UBA1: variants seen among roughly 807,000 people sequenced by gnomAD.
The protein encoded by UBA1 is ubiquitin-like modifier-activating enzyme 1.
In UBA1, 4 loss-of-function variants were observed where a neutral mutation model predicts 84.7. The ratio of observed to expected loss-of-function variants is 0.05; its 90% CI spans 0.02 to 0.11. The LOEUF is 0.11. Among genes scored for constraint, UBA1 ranks in the 10% least tolerant of loss-of-function variants. UBA1 has a pLI of 1.00. For synonymous variants in UBA1, 364 were observed against 362.6 expected, an observed-to-expected ratio of 1.00 and a Z score of -0.04; for missense variants, 513 against 902.8, an observed-to-expected ratio of 0.57 and a Z score of 5.53.
chrX:47,206,558 C>T, intron 16 of UBA1, 114 bp downstream of exon 16: 1 of 783,220 alleles, frequency 1.3e-6, no homozygotes, highest in South Asian at 2.2e-5. Context: ...GTAAGATGTG[C>T]CTTTTCTCCA....
intron 1 of UBA1, among the ~76,000 whole-genome samples, chrX:47,194,439 TC>T (rs1936127754): frequency 8.9e-6 from 1 of 112,292 alleles, no homozygotes; most frequent in African/African-American, 3.2e-5. Context: ...TTGAGACACT[TC>T]CTAGCTTCTC....
intron 23 of UBA1, 52 bp downstream of exon 23, chrX:47,213,233 C>G (rs782179500): frequency 1.3e-5 from 15 of 1,156,860 alleles, no homozygotes; most frequent in Non-Finnish European, 1.7e-5. Flanking sequence ...CTGTGTAGAT[C>G]TGGTTCTGAT....
intron 18 of UBA1, 119 bp from the exon 19 acceptor site, chrX:47,210,723 C>T (rs1270431890): frequency 9.7e-6 from 7 of 724,243 alleles, no homozygotes; most frequent in Admixed American, 2.7e-5. Context: ...CAGTCCGCAT[C>T]GAGTGCCCAA....
intron 1 of UBA1, among the ~76,000 whole-genome samples, chrX:47,194,631 T>A (rs782569011): frequency 4.0e-4 from 45 of 111,650 alleles, no homozygotes; most frequent in Non-Finnish European, 7.2e-4. Context: ...GGCCTGGCCT[T>A]TGTGTCGGGG....
upstream of UBA1, among the ~76,000 whole-genome samples, chrX:47,193,240 G>T (rs1449240203): frequency 6.3e-5 from 7 of 111,697 alleles, no homozygotes; most frequent in African/African-American, 2.3e-4. Context: ...TTTCCAGGTT[G>T]AGCTACTGCA....
At chrX:47,213,649 T>C (rs1267055153) in intron 23 of UBA1, among the ~76,000 whole-genome samples, 1 of 112,318 alleles carries the variant, frequency 8.9e-6, no homozygotes, top group Non-Finnish European at 1.9e-5. Flanking sequence ...GTGGTTCACC[T>C]GAAGTCAGGA....
chrX:47,197,032 A>G (rs1449208859), intron 1 of UBA1: 2 of 644,240 alleles, frequency 3.1e-6, no homozygotes, highest in African/African-American at 4.8e-5. Context: ...CAGGTCAGTC[A>G]GAGAGTCAGT....
At chrX:47,202,327 C>T in intron 9 of UBA1, 31 bp from the exon 10 acceptor site, 1 of 1,209,571 alleles carries the variant, frequency 8.3e-7, no homozygotes, top group Non-Finnish European at 1.1e-6. Flanking sequence ...TTCCTCTCTT[C>T]TGGTTCTGAT....
chrX:47,196,786 A>C (rs1456509201), intron 1 of UBA1, among the ~76,000 whole-genome samples: 1 of 111,410 alleles, frequency 9.0e-6, no homozygotes, highest in African/African-American at 3.3e-5. Flanking sequence ...GATCATCTCT[A>C]ATTTATGGAG....
chrX:47,209,428 A>G (rs1556792608), intron 16 of UBA1, 195 bp from the exon 17 acceptor site: 1 of 525,704 alleles, frequency 1.9e-6, no homozygotes, highest in Non-Finnish European at 3.5e-6. Context: ...TGCTGGGATT[A>G]CAGGTGTGAG....
upstream of UBA1, among the ~76,000 whole-genome samples, chrX:47,192,013 A>G (rs374624482): frequency 1.6e-4 from 18 of 112,206 alleles, no homozygotes; most frequent in African/African-American, 5.8e-4. Context: ...AGCCTGAATA[A>G]TGGGTATGAG....
chrX:47,209,552 C>A, intron 16 of UBA1, 71 bp from the exon 17 acceptor site: 1 of 998,987 alleles, frequency 1.0e-6, no homozygotes, highest in Non-Finnish European at 1.4e-6. Flanking sequence ...ACTGATGGTC[C>A]TTCTAATAAT....
chrX:47,199,188 G>C (rs1556786640), intron 3 of UBA1, 21 bp from the exon 4 acceptor site: 4 of 1,211,034 alleles, frequency 3.3e-6, no homozygotes, highest in African/African-American at 1.7e-5. Context: ...CCCTGACCTA[G>C]AGTACCCCCT....
Position 47,199,544 on chromosome X carries a change from A to G in UBA1, c.410A>G (p.Glu137Gly). The change falls in exon 5 of 26, where the codon GAG becomes GGG. Residue 137 changes from glutamate (E) to glycine (G), a missense_variant. Glu to Gly is a moderately conservative substitution (Grantham distance 98). This residue lies in a region of UBA1 where 227 missense variants were observed against 339.1 expected (regional missense o/e 0.67). Coordinates refer to ENST00000335972, the MANE Select transcript of UBA1 (RefSeq NM_003334.4). ...GAGGTATCACAGCCCCGCCTCGCTG[A>G]GCTCAACAGCTATGTGCCTGTCACT... ...RAEVSQPRLAELNSYVPVTAY... is the reference protein window; with the variant it reads ...RAEVSQPRLAGLNSYVPVTAY... 1.7e-6 allele frequency: 2 copies of G among 1,211,550 alleles called. No homozygotes were observed. Among genetic ancestry groups the G allele is most frequent in the Non-Finnish European group, 2.2e-6 (2 of 895,375 alleles).
intron 14 of UBA1, among the ~76,000 whole-genome samples, chrX:47,204,645 G>T (rs1936583606): frequency 9.0e-6 from 1 of 111,154 alleles, no homozygotes; most frequent in African/African-American, 3.3e-5. Flanking sequence ...GGAGCGGTGG[G>T]AACCTTCCTG....
intron 1 of UBA1, chrX:47,197,978 A>G: frequency 3.5e-6 from 3 of 867,695 alleles, no homozygotes; most frequent in Non-Finnish European, 4.2e-6. Context: ...CTCCTGATCA[A>G]TCTAATACTC....
At chrX:47,193,102 G>A (rs1400732439), upstream of UBA1, among the ~76,000 whole-genome samples, 2 of 111,431 alleles carry the variant, frequency 1.8e-5, no homozygotes, top group South Asian at 7.5e-4. Context: ...TCATGAACAG[G>A]AAGGCGTGCT....
At chrX:47,213,429 C>T (rs1937015512) in intron 23 of UBA1, among the ~76,000 whole-genome samples, 1 of 112,432 alleles carries the variant, frequency 8.9e-6, no homozygotes, top group Non-Finnish European at 1.9e-5. Context: ...TTGGACGCTT[C>T]CTACACTTAA....
upstream of UBA1, among the ~76,000 whole-genome samples, chrX:47,192,345 C>T (rs1556784438): frequency 9.0e-6 from 1 of 111,339 alleles, no homozygotes; most frequent in Non-Finnish European, 1.9e-5. Flanking sequence ...GCCCTTTCTA[C>T]TTATTTCTTC....
Sources: allele counts gnomAD v4.1 joint callset (sites outside exome capture counted in the v4.1 genomes callset), GRCh38; gene constraint gnomAD v4.1.1; regional missense constraint gnomAD v4.1.1; transcripts MANE v1.5; gene names NCBI Gene and HGNC (gene_info 2026-07-23, HGNC 2026-07-21).